The following ZNF621 variants were observed in gnomAD, a reference collection of about 807,000 sequenced individuals.
ZNF621 encodes the protein zinc finger protein 621.
ZNF621 carries 6 observed loss-of-function variants against 12.7 expected under a neutral mutation model. The observed-to-expected ratio is 0.47, with a 90% CI of 0.26 to 0.93. The LOEUF is 0.93. Ranked by LOEUF, ZNF621 falls within the 40% of genes least tolerant of loss-of-function variation. ZNF621 has a pLI of 0.15. For missense variants in ZNF621, 474 were observed against 524.0 expected (o/e 0.90, Z 0.93); for synonymous variants, 156 against 190.3 (o/e 0.82, Z 1.48).
chr3:40,533,492 TAAC>T lies in ZNF621; in HGVS notation c.*404_*406del, dbSNP rs997431458. 2.1e-5 allele frequency: 4 copies of T among 190,442 alleles called. No individual in the cohort carries two copies. Among genetic ancestry groups the T allele is most frequent in the African/African-American group, 9.3e-5 (4 of 42,920 alleles). 11.8% of individuals were successfully genotyped at this position (190,442 alleles called of 1,614,324 possible). On this transcript the variant is annotated 3_prime_UTR_variant, in exon 5 of 5. Transcript: ENST00000339296. Reference sequence around the variant, plus strand: ...ATTTTTTTCATCACCTTACATGTGTTAACAGCTGTTTCAACATAAACTCCATTA... The same window carrying T: ...ATTTTTTTCATCACCTTACATGTGTTAGCTGTTTCAACATAAACTCCATTA...
intron 3 of ZNF621, among the ~76,000 whole-genome samples, 199 bp from the exon 4 acceptor site, chr3:40,530,010 G>A (rs921025462): frequency 1.3e-5 from 2 of 152,120 alleles, no homozygotes; most frequent in South Asian, 4.1e-4. Flanking sequence ...GGGCCAGAAT[G>A]CAGTTTCTTT....
At position 40,539,362 on chromosome 3, in the gene ZNF621, A is replaced by G. The variant is rs1698947971; in HGVS notation, c.*6272A>G. 6.6e-6 allele frequency: 1 copy of G among 152,256 alleles called. No homozygotes were observed. Among genetic ancestry groups the G allele is most frequent in the South Asian group, 2.1e-4 (1 of 4,836 alleles). The allele number at this position is 152,256 out of a possible 1,614,324, so 9.4% of individuals were successfully genotyped here. ...ATTCAGCAGCCATCAACAGTGAGGC[A>G]AGACTGTCTTCCAGCAACAAAGACT... On this transcript the variant is annotated 3_prime_UTR_variant, in exon 5 of 5. Coordinates refer to ENST00000339296, the MANE Select transcript of ZNF621 (RefSeq NM_198484.5).
Position 40,527,220 on chromosome 3 carries a change from G to T in ZNF621, c.24+1356G>T, listed in dbSNP as rs752748895. On this transcript the variant is annotated intron_variant, in intron 2 of 4. Coordinates refer to ENST00000339296, the MANE Select transcript of ZNF621 (RefSeq NM_198484.5). ...TTTAGTAGAGACGGGGGTTCTCCATGTTGGTCAGCTGATCTCGAACTCCCG... is the reference window on the plus strand; with the variant it reads ...TTTAGTAGAGACGGGGGTTCTCCATTTTGGTCAGCTGATCTCGAACTCCCG... Among the ~76,000 whole-genome samples, 66 of 152,200 alleles carry T rather than the reference G, an allele frequency of 4.3e-4. 2 individuals carry two copies. Among genetic ancestry groups the T allele is most frequent in the Non-Finnish European group, 4.4e-4 (30 of 68,014 alleles).
At chr3:40,528,819 T>G (rs989375272) in intron 2 of ZNF621, among the ~76,000 whole-genome samples, 4 of 152,210 alleles carry the variant, frequency 2.6e-5, no homozygotes, top group African/African-American at 9.7e-5. Flanking sequence ...TCTGTTGAGG[T>G]CTTTTGCCTG....
rs1698669287 is a variant in ZNF621 at position 40,529,434 on chromosome 3, T to C, written c.140T>C (p.Val47Ala). Residue 47 changes from valine to alanine, a missense_variant, in exon 3 of 5, where the codon GTG becomes GCG. By Grantham distance (64) the Val-to-Ala change is moderately conservative. Coordinates refer to ENST00000339296, the MANE Select transcript of ZNF621 (RefSeq NM_198484.5). ...GTGATGCTGGAGAATTATGCAAATGTGGCTTCTCTGGGTAAGGCCTCCCTC... is the reference window on the plus strand; with the variant it reads ...GTGATGCTGGAGAATTATGCAAATGCGGCTTCTCTGGGTAAGGCCTCCCTC... ...GEVMLENYAN[V>A]ASLVAFPFPK... 6 of 1,613,198 alleles carry C rather than the reference T, an allele frequency of 3.7e-6. No homozygotes were observed. The highest frequency in any genetic ancestry group is 5.1e-6 in the Non-Finnish European group (6 of 1,179,422).
At chr3:40,530,452 C>T (rs1052244841) in intron 4 of ZNF621, 136 bp downstream of exon 4, 13 of 686,456 alleles carry the variant, frequency 1.9e-5, no homozygotes, top group Non-Finnish European at 2.4e-5. Flanking sequence ...TCTGACCTCA[C>T]ACTGAGTTCT....
rs1158994128 is a variant in ZNF621, at chr3:40,539,151, G to GT, written c.*6064dup. ...ACTTAGTTGATAAAACAGCAGCAGAGTTTGAGAGGATTGACTTCAATTTTG... is the reference window on the plus strand; with the variant it reads ...ACTTAGTTGATAAAACAGCAGCAGAGTTTTGAGAGGATTGACTTCAATTTTG... On this transcript the variant is annotated 3_prime_UTR_variant, in exon 5 of 5. Coordinates refer to ENST00000339296, the MANE Select transcript of ZNF621 (RefSeq NM_198484.5). 1 of 158,312 alleles carries GT rather than the reference G, an allele frequency of 6.3e-6. No homozygotes were observed. The highest frequency in any genetic ancestry group is 2.4e-5 in the African/African-American group (1 of 41,562). The allele number at this position is 158,312 out of a possible 1,614,324, so 9.8% of individuals were successfully genotyped here.
Position 40,534,103 on chromosome 3 carries a change from A to G in ZNF621, c.*1013A>G, listed in dbSNP as rs1698805222. 1.3e-5 allele frequency: 2 copies of G among 152,358 alleles called. No homozygotes were observed. Among genetic ancestry groups the G allele is most frequent in the African/African-American group, 4.8e-5 (2 of 41,372 alleles). 9.4% of individuals were successfully genotyped at this position (152,358 alleles called of 1,614,324 possible). A position where few individuals can be genotyped will look rare whatever the true frequency, so the allele number is the denominator to read the frequency against. ...GAATCTGTTGTGCAGATTTTTCTTG[A>G]TGAGCATTCTGTTTTTTTTTCTTTG... On this transcript the variant is annotated 3_prime_UTR_variant, in exon 5 of 5. Transcript: ENST00000339296.
chr3:40,527,147 A>G (rs1223950746), intron 2 of ZNF621, among the ~76,000 whole-genome samples: 1 of 151,904 alleles, frequency 6.6e-6, no homozygotes, highest in Non-Finnish European at 1.5e-5. Context: ...CCTCCCGAGT[A>G]GATGGAATTA....
chr3:40,537,155 A>G lies in ZNF621; in HGVS notation c.*4065A>G, dbSNP rs1439358392. 6.6e-6 allele frequency: 1 copy of G among 152,246 alleles called. No homozygotes were observed. The highest frequency in any genetic ancestry group is 1.5e-5 in the Non-Finnish European group (1 of 68,044). The allele number at this position is 152,246 out of a possible 1,614,324, so 9.4% of individuals were successfully genotyped here. On this transcript the variant is annotated 3_prime_UTR_variant, in exon 5 of 5. Transcript: ENST00000339296. ...GTCACATGCCTCTCACTTTAAATCA[A>G]AAGCTAGAAATGATTAAGCTTAGTG...
intron 3 of ZNF621, 110 bp from the exon 4 acceptor site, chr3:40,530,099 T>C: frequency 2.5e-6 from 2 of 794,068 alleles, no homozygotes; most frequent in Non-Finnish European, 4.1e-6. Context: ...CTTGGTCTGC[T>C]GGTGTTCAAT....
intron 3 of ZNF621, among the ~76,000 whole-genome samples, chr3:40,529,940 G>A (rs549111200): frequency 6.6e-6 from 1 of 152,264 alleles, no homozygotes; most frequent in African/African-American, 2.4e-5. Flanking sequence ...TTTGTGGAAG[G>A]TTCTCCCAGG....
rs1179068372 is a variant in ZNF621, at chr3:40,534,482, TTTTTTGCTGATG to T, written c.*1395_*1406del. The T allele has an allele frequency of 1.3e-5, 2 of 152,104 alleles. No individual in the cohort carries two copies. The highest frequency in any genetic ancestry group is 4.8e-5 in the African/African-American group (2 of 41,428). The allele number at this position is 152,104 out of a possible 1,614,324, so 9.4% of individuals were successfully genotyped here. A position where few individuals can be genotyped will look rare whatever the true frequency, so the allele number is the denominator to read the frequency against. ...GGAAGGGTCCATACATTTTTTTTTT[TTTTTTGCTGATG>T]TTGCTATCTAGATGTTTCTCTATAG... On this transcript the variant is annotated 3_prime_UTR_variant, in exon 5 of 5. Transcript: ENST00000339296.
chr3:40,526,142 T>C (rs1698577855), intron 2 of ZNF621, among the ~76,000 whole-genome samples: 1 of 152,184 alleles, frequency 6.6e-6, no homozygotes, highest in African/African-American at 2.4e-5. Flanking sequence ...CAGATCGTGT[T>C]CTAGAAATGA....
chr3:40,533,265 C>A lies in ZNF621; in HGVS notation c.*175C>A. 9.3e-7 allele frequency: 1 copy of A among 1,076,442 alleles called. No individual in the cohort carries two copies. Among genetic ancestry groups the A allele is most frequent in the Non-Finnish European group, 1.3e-6 (1 of 779,694 alleles). 66.7% of individuals were successfully genotyped at this position (1,076,442 alleles called of 1,614,324 possible). ...AAGCGATTCTCCTCCTTCAGACTCT[C>A]GAATAGCTGGGATTACAGGCACGCC... On this transcript the variant is annotated 3_prime_UTR_variant, in exon 5 of 5. Transcript: ENST00000339296.
Position 40,534,299 on chromosome 3 carries a change from G to C in ZNF621, c.*1209G>C, listed in dbSNP as rs940197265. The C allele has an allele frequency of 1.3e-5, 2 of 152,056 alleles. No homozygotes were observed. The highest frequency in any genetic ancestry group is 2.9e-5 in the Non-Finnish European group (2 of 68,012). 9.4% of individuals were successfully genotyped at this position (152,056 alleles called of 1,614,324 possible). A position where few individuals can be genotyped will look rare whatever the true frequency, so the allele number is the denominator to read the frequency against. ...AGCTGTGTAGTGGGTCAGTGGCTAG[G>C]TAGGTTAGTGAAGTGGAATTTGGGG... is the stretch of plus-strand genomic sequence containing the variant. On this transcript the variant is annotated 3_prime_UTR_variant, in exon 5 of 5. Transcript: ENST00000339296.
Position 40,530,170 on chromosome 3 carries a change from C to T in ZNF621, c.152-39C>T, listed in dbSNP as rs141664376. On this transcript the variant is annotated intron_variant, in intron 3 of 4. Transcript: ENST00000339296. ...GAAAGATCCCAGGAATAGCTCTGGA[C>T]GTCTCCCCTCAATTTGTCTTTCTCT... The T allele has an allele frequency of 1.6e-4, 254 of 1,545,578 alleles. 1 individual carries two copies. The African/African-American group carries it at 1.8e-3, about 11-fold the overall frequency.
chr3:40,530,270 G>C lies in ZNF621; in HGVS notation c.213G>C (p.Trp71Cys). 6.2e-7 allele frequency: 1 copy of C among 1,613,250 alleles called. No individual in the cohort carries two copies. The highest frequency in any genetic ancestry group is 8.5e-7 in the Non-Finnish European group (1 of 1,179,668). The part of the protein sequence containing the change: ...ISHLERGEAP[W>C]GPDPWDTEIL... ...ACCTGGAGAGAGGGGAAGCACCATG[G>C]GGCCCAGATCCCTGGGACACCGAGA... Residue 71 changes from tryptophan (W) to cysteine (C), a missense_variant, in exon 4 of 5, where the codon TGG becomes TGC. Coordinates refer to ENST00000339296, the MANE Select transcript of ZNF621 (RefSeq NM_198484.5).
rs764614136 is a variant in ZNF621 at position 40,530,327 on chromosome 3, G to A, written c.259+11G>A. On this transcript the variant is annotated intron_variant, in intron 4 of 4. Coordinates refer to ENST00000339296, the MANE Select transcript of ZNF621 (RefSeq NM_198484.5). ...GAGGCATCAGTCAAGGTGAGTATGAGAATCCAGTGGTGAAGTTTCTTGTTT... is the reference window on the plus strand; with the variant it reads ...GAGGCATCAGTCAAGGTGAGTATGAAAATCCAGTGGTGAAGTTTCTTGTTT... The A allele has an allele frequency of 2.5e-6, 4 of 1,607,648 alleles. No individual in the cohort carries two copies.
Sources: gnomAD v4.1 joint callset for allele counts (sites outside exome capture counted in the v4.1 genomes callset) on GRCh38, gnomAD v4.1.1 for gene constraint, MANE v1.5 for transcripts, NCBI Gene and HGNC (gene_info 2026-07-23, HGNC 2026-07-21) for gene names.